Variants in HERC2 observed in about 807,000 individuals in gnomAD.
The protein encoded by HERC2 is HECT and RLD domain containing E3 ubiquitin protein ligase 2, also known as E3 ubiquitin-protein ligase HERC2.
In HERC2, 102 loss-of-function variants were observed where a neutral mutation model predicts 537.7. The observed-to-expected ratio is 0.19, with a 90% CI of 0.16 to 0.22. HERC2 has a LOEUF of 0.22. Among genes scored for constraint, HERC2 ranks in the 10% least tolerant of loss-of-function variants. HERC2 has a pLI of 1.00. For missense variants in HERC2, 4,236 were observed against 6,198.2 expected, an observed-to-expected ratio of 0.68 and a Z score of 10.63; for synonymous variants, 2,224 against 2,466.2, an observed-to-expected ratio of 0.90 and a Z score of 2.91.
chr15:28,197,216 C>A (rs374064411), intron 50 of HERC2, among the ~76,000 whole-genome samples: 1 of 152,138 alleles, frequency 6.6e-6, no homozygotes, highest in Non-Finnish European at 1.5e-5. Context: ...GAAAAGAGAG[C>A]CTTCCACAAG....
chr15:28,274,532 C>A, intron 6 of HERC2, 85 bp from the exon 7 acceptor site: 1 of 1,413,488 alleles, frequency 7.1e-7, no homozygotes. Context: ...GAGATGACGC[C>A]ACTGTCACCT....
chr15:28,178,868 C>T lies in HERC2; in HGVS notation c.9163+19G>A. ...AGCAAAGGCCGCCCCGCACAGGCCT[C>T]CTGGTGCTTGGCTTGTACCTGAGTG... is the stretch of plus-strand genomic sequence containing the variant. On this transcript the variant is annotated intron_variant, in intron 59 of 92. Transcript: ENST00000261609. The T allele has an allele frequency of 6.2e-7, 1 of 1,609,910 alleles. No homozygotes were observed. Among genetic ancestry groups the T allele is most frequent in the South Asian group, 1.1e-5 (1 of 90,860 alleles).
In HERC2 at chr15:28,268,440, C is replaced by G. The variant is rs1202455250; in HGVS notation, c.1598+25G>C. 1.2e-6 allele frequency: 2 copies of G among 1,602,700 alleles called. No individual in the cohort carries two copies. Among genetic ancestry groups the G allele is most frequent in the African/African-American group, 1.3e-5 (1 of 74,622 alleles). On this transcript the variant is annotated intron_variant, in intron 12 of 92. Coordinates refer to ENST00000261609, the MANE Select transcript of HERC2 (RefSeq NM_004667.6). This position sits in a 1 kb window ranked among gnomAD's most constrained non-coding sequence, Gnocchi z 4.7. ...TGGCAACATAAAAGGAGAGTGTGTC[C>G]CCTACAGGAATAAGCGATACATACA... is the stretch of plus-strand genomic sequence containing the variant.
At chr15:28,169,715 A>C in intron 65 of HERC2, 60 bp from the exon 66 acceptor site, 4 of 1,527,148 alleles carry the variant, frequency 2.6e-6, no homozygotes, top group Non-Finnish European at 3.6e-6. Context: ...CTATTTCTAT[A>C]AAATCTGACC....
chr15:28,181,901 C>A (rs373807532), intron 57 of HERC2, among the ~76,000 whole-genome samples: 1 of 152,172 alleles, frequency 6.6e-6, no homozygotes, highest in South Asian at 2.1e-4. Context: ...CACAACAAGC[C>A]CTGCAGAGAA....
intron 78 of HERC2, among the ~76,000 whole-genome samples, chr15:28,140,232 G>A (rs575676002): frequency 4.6e-5 from 7 of 152,170 alleles, no homozygotes; most frequent in South Asian, 2.1e-4. Context: ...GCCTGGGAAC[G>A]CTCCATCTGC....
chr15:28,164,950 T>C (rs985433875), intron 68 of HERC2, among the ~76,000 whole-genome samples: 8 of 152,230 alleles, frequency 5.3e-5, no homozygotes, highest in Non-Finnish European at 2.9e-5. Flanking sequence ...CTGTAGGACA[T>C]ATTTTCTGCC....
intron 77 of HERC2, 34 bp downstream of exon 77, chr15:28,141,697 G>A (rs778777641): frequency 8.7e-6 from 14 of 1,609,866 alleles, no homozygotes; most frequent in African/African-American, 1.3e-5. Flanking sequence ...TCACACTCAC[G>A]ATCGACATTA....
chr15:28,160,438 G>A (rs991126030), intron 69 of HERC2, among the ~76,000 whole-genome samples: 5 of 152,198 alleles, frequency 3.3e-5, no homozygotes, highest in Admixed American at 3.3e-4. Flanking sequence ...AACGGTGGAC[G>A]CCCCTCCCCC....
At position 28,280,366 on chromosome 15, in the gene HERC2, T is replaced by C. The variant is rs1033940197; in HGVS notation, c.323-79A>G. On this transcript the variant is annotated intron_variant, in intron 4 of 92. Coordinates refer to ENST00000261609, the MANE Select transcript of HERC2 (RefSeq NM_004667.6). ...GTTGCAATGTTGAGAAAATGGATGA[T>C]GACGACAGGTAGTACTCGAAGGCAT... is the stretch of plus-strand genomic sequence containing the variant. 5 of 1,175,698 alleles carry C rather than the reference T, an allele frequency of 4.3e-6. No individual in the cohort carries two copies. In the African/African-American group the frequency reaches 6.1e-5, roughly 14 times the overall value. 72.8% of individuals were successfully genotyped at this position (1,175,698 alleles called of 1,614,324 possible). A position where few individuals can be genotyped will look rare whatever the true frequency, so the allele number is the denominator to read the frequency against.
At position 28,121,324 on chromosome 15, in the gene HERC2, G is replaced by C. The variant is rs202114709; in HGVS notation, c.13272+22C>G. 38 of 1,607,004 alleles carry C rather than the reference G, an allele frequency of 2.4e-5. No homozygotes were observed. In the African/African-American group the frequency reaches 4.9e-4, roughly 21 times the overall value. On this transcript the variant is annotated intron_variant, in intron 86 of 92. Coordinates refer to ENST00000261609, the MANE Select transcript of HERC2 (RefSeq NM_004667.6). Reference sequence around the variant, plus strand: ...ATCACTTCTAAGGCTGTCAGACTTGGAGAGTAATCTCCATGTGCTACCTGG... The same window carrying C: ...ATCACTTCTAAGGCTGTCAGACTTGCAGAGTAATCTCCATGTGCTACCTGG...
At chr15:28,168,097 T>C (rs1442466228) in intron 67 of HERC2, among the ~76,000 whole-genome samples, 3 of 152,190 alleles carry the variant, frequency 2.0e-5, no homozygotes, top group Middle Eastern at 3.4e-3. Flanking sequence ...CTAAAATGAG[T>C]TCACATATCT....
intron 40 of HERC2, among the ~76,000 whole-genome samples, 166 bp downstream of exon 40, chr15:28,214,489 C>T (rs566849106): frequency 6.6e-6 from 1 of 151,632 alleles, no homozygotes; most frequent in Admixed American, 6.6e-5. Flanking sequence ...GACGGCAGTA[C>T]ACCGCTCTTC....
At chr15:28,201,805 G>A (rs1288967076) in intron 47 of HERC2, among the ~76,000 whole-genome samples, 15 of 152,190 alleles carry the variant, frequency 9.9e-5, no homozygotes, top group Non-Finnish European at 1.2e-4. Flanking sequence ...ACTCAGGTCA[G>A]AAACTGATGT....
Position 28,293,115 on chromosome 15 carries a change from C to T in HERC2, c.188-93G>A, listed in dbSNP as rs1412794165. 2.2e-5 allele frequency: 23 copies of T among 1,046,220 alleles called. No individual in the cohort carries two copies. The East Asian group carries it at 5.5e-4, about 25-fold the overall frequency. 64.8% of individuals were successfully genotyped at this position (1,046,220 alleles called of 1,614,324 possible). On this transcript the variant is annotated intron_variant, in intron 3 of 92. Transcript: ENST00000261609. ...TGTCCCTCCCCGAAAAGTTACAACA[C>T]ACATCATTAACTGAATGTTGGACAA...
intron 23 of HERC2, among the ~76,000 whole-genome samples, chr15:28,245,165 A>C (rs1903532578): frequency 6.6e-6 from 1 of 152,018 alleles, no homozygotes; most frequent in South Asian, 2.1e-4. Context: ...TAACCACCCC[A>C]ACTGCACCTT....
intron 4 of HERC2, among the ~76,000 whole-genome samples, chr15:28,289,317 G>A (rs1596399756): frequency 1.3e-5 from 2 of 152,054 alleles, no homozygotes; most frequent in African/African-American, 4.8e-5. Flanking sequence ...AGACCAAGGT[G>A]ACTTCACAAC....
chr15:28,151,858 C>T (rs903564817), intron 70 of HERC2, among the ~76,000 whole-genome samples: 1 of 152,106 alleles, frequency 6.6e-6, no homozygotes, highest in African/African-American at 2.4e-5. Flanking sequence ...TTTATCTTGT[C>T]TTTCTCAGGC....
chr15:28,280,766 C>A (rs2076001597), intron 4 of HERC2, among the ~76,000 whole-genome samples: 1 of 151,936 alleles, frequency 6.6e-6, no homozygotes, highest in African/African-American at 2.4e-5. Flanking sequence ...AAAAATTAGC[C>A]GAGTGTGGTG....
Sources: gnomAD v4.1 joint callset for allele counts (sites outside exome capture counted in the v4.1 genomes callset) on GRCh38, gnomAD v4.1.1 for gene constraint, Gnocchi (gnomAD v3.1) non-coding constraint, MANE v1.5 for transcripts, NCBI Gene and HGNC (gene_info 2026-07-23, HGNC 2026-07-21) for gene names.